Variants in ZGRF1 observed in about 807,000 individuals in gnomAD.
ZGRF1 encodes zinc finger GRF-type containing 1, also known as 5'-3' DNA helicase ZGRF1.
Under a neutral mutation model 203.5 loss-of-function variants are expected in ZGRF1, and 196 were observed. That is an observed-to-expected ratio of 0.96 (90% CI 0.86 to 1.08). The LOEUF (loss-of-function observed/expected upper bound fraction) is 1.08, where lower values mean the gene tolerates loss of function less well. Among genes scored for constraint, ZGRF1 ranks in the 50% least tolerant of loss-of-function variants. The pLI is 0.00. For missense variants in ZGRF1, 2,326 were observed against 2,416.3 expected, an observed-to-expected ratio of 0.96 and a Z score of 0.78; for synonymous variants, 809 against 841.3, an observed-to-expected ratio of 0.96 and a Z score of 0.66.
At chr4:112,570,096 T>G (rs954157253) in intron 16 of ZGRF1, among the ~76,000 whole-genome samples, 9 of 152,162 alleles carry the variant, frequency 5.9e-5, no homozygotes, top group African/African-American at 1.7e-4. Flanking sequence ...CTCATCTCCC[T>G]TAATTACTTA....
intron 1 of ZGRF1, among the ~76,000 whole-genome samples, chr4:112,634,112 A>G (rs886269764): frequency 2.0e-5 from 3 of 152,190 alleles, no homozygotes; most frequent in Non-Finnish European, 4.4e-5. Flanking sequence ...ATTATTTATA[A>G]GTTACATATA....
At chr4:112,592,793 T>C (rs756354054) in intron 10 of ZGRF1, among the ~76,000 whole-genome samples, 1 of 152,210 alleles carries the variant, frequency 6.6e-6, no homozygotes, top group Non-Finnish European at 1.5e-5. Flanking sequence ...ATGGAGAGAA[T>C]TATGTACCCA....
At chr4:112,634,675 C>T (rs929152301) in intron 1 of ZGRF1, among the ~76,000 whole-genome samples, 1 of 151,412 alleles carries the variant, frequency 6.6e-6, no homozygotes, top group Non-Finnish European at 1.5e-5. Flanking sequence ...AAGGGCGAGG[C>T]GGGGGCGGTG....
intron 9 of ZGRF1, 61 bp from the exon 10 acceptor site, chr4:112,603,758 A>T: frequency 7.9e-7 from 1 of 1,259,758 alleles, no homozygotes; most frequent in Non-Finnish European, 1.1e-6. Flanking sequence ...TATATTCACA[A>T]AGTAAACACA....
intron 24 of ZGRF1, among the ~76,000 whole-genome samples, chr4:112,545,919 G>C (rs1014729596): frequency 6.6e-6 from 1 of 152,046 alleles, no homozygotes; most frequent in Non-Finnish European, 1.5e-5. Flanking sequence ...AATTCACAGA[G>C]CTAGAAAGTA....
chr4:112,618,757 A>G lies in ZGRF1; in HGVS notation c.1285T>C (p.Ser429Pro). The change falls in exon 6 of 28, where the codon TCA (serine) becomes CCA (proline). Residue 429 changes from serine (S) to proline (P), a missense_variant. Transcript: ENST00000505019. ...CSSAENDGILSESDIQEDNKI... is the reference protein window; with the variant it reads ...CSSAENDGILPESDIQEDNKI... ...TTATCTTCTTGAATGTCAGATTCTG[A>G]TAATATACCATCATTTTCTGCACTG... The G allele has an allele frequency of 6.2e-7, 1 of 1,611,222 alleles. No individual in the cohort carries two copies. The highest frequency in any genetic ancestry group is 8.5e-7 in the Non-Finnish European group (1 of 1,179,212).
Position 112,596,634 on chromosome 4 carries a change from C to G in ZGRF1, c.2977-6760G>C, listed in dbSNP as rs535159274. 2.0e-3 allele frequency among the ~76,000 whole-genome samples: 302 copies of G among 152,044 alleles called. 1 individual carries two copies. Among genetic ancestry groups the G allele is most frequent in the African/African-American group, 7.1e-3 (294 of 41,460 alleles). On this transcript the variant is annotated intron_variant, in intron 10 of 27. Transcript: ENST00000505019. ...TTGGAAACTGGGTCTCACTCTGTTG[C>G]CCAAGCTGGAGGGCACTGGCACAAT... is the stretch of plus-strand genomic sequence containing the variant.
chr4:112,562,333 T>A (rs1256809493), intron 18 of ZGRF1, 38 bp downstream of exon 18: 1 of 1,100,318 alleles, frequency 9.1e-7, no homozygotes, highest in Admixed American at 2.0e-5. Context: ...GATTACCATT[T>A]TTTAATACCA....
At chr4:112,614,553 G>A (rs2046799600) in intron 6 of ZGRF1, among the ~76,000 whole-genome samples, 1 of 152,190 alleles carries the variant, frequency 6.6e-6, no homozygotes, top group Admixed American at 6.5e-5. Context: ...AAGGGGCCAG[G>A]TACAGTGGCT....
intron 17 of ZGRF1, among the ~76,000 whole-genome samples, chr4:112,562,835 T>A (rs1253412110): frequency 1.3e-5 from 2 of 152,228 alleles, no homozygotes; most frequent in Non-Finnish European, 2.9e-5. Context: ...CAGAGTAGTA[T>A]TTGTATAATT....
At chr4:112,597,523 CTAA>C (rs987394230) in intron 10 of ZGRF1, among the ~76,000 whole-genome samples, 1 of 151,178 alleles carries the variant, frequency 6.6e-6, no homozygotes. Context: ...GACCTTGTCT[CTAA>C]TAATAATAAT....
chr4:112,630,700 T>C (rs868040314), intron 3 of ZGRF1, among the ~76,000 whole-genome samples: 1 of 152,184 alleles, frequency 6.6e-6, no homozygotes, highest in Middle Eastern at 3.4e-3. Flanking sequence ...AAGACCAGCC[T>C]GAACAACATG....
chr4:112,594,957 C>T (rs536829813), intron 10 of ZGRF1, among the ~76,000 whole-genome samples: 30 of 152,180 alleles, frequency 2.0e-4, no homozygotes, highest in African/African-American at 7.0e-4. Context: ...AATTACTCCA[C>T]AGGCCAGGTG....
intron 20 of ZGRF1, among the ~76,000 whole-genome samples, chr4:112,556,066 T>G (rs561796792): frequency 1.1e-4 from 16 of 151,910 alleles, no homozygotes; most frequent in Admixed American, 5.2e-4. Flanking sequence ...TGTCTTTAAT[T>G]TAAAAAAAAA....
chr4:112,558,518 C>T (rs1018168559), intron 19 of ZGRF1, among the ~76,000 whole-genome samples: 3 of 152,138 alleles, frequency 2.0e-5, no homozygotes, highest in Non-Finnish European at 4.4e-5. Flanking sequence ...CCGGCGTGCA[C>T]CACCACACCT....
chr4:112,634,769 T>C (rs1002269221), intron 1 of ZGRF1, among the ~76,000 whole-genome samples: 4 of 152,138 alleles, frequency 2.6e-5, no homozygotes, highest in Non-Finnish European at 4.4e-5. Context: ...GCAAATGAGA[T>C]ATGCATACTT....
intron 16 of ZGRF1, among the ~76,000 whole-genome samples, chr4:112,572,114 A>G (rs1310243467): frequency 1.8e-4 from 28 of 152,186 alleles, no homozygotes; most frequent in Admixed American, 1.8e-3. Context: ...TTCATACCAT[A>G]TACAAAAGAA....
chr4:112,628,745 A>T, intron 3 of ZGRF1: 1 of 451,076 alleles, frequency 2.2e-6, no homozygotes, highest in Non-Finnish European at 4.5e-6. Flanking sequence ...GTTGGATAAT[A>T]GCACTAGCAT....
chr4:112,610,987 C>A (rs1751495687), intron 7 of ZGRF1: 5 of 253,906 alleles, frequency 2.0e-5, no homozygotes, highest in East Asian at 1.5e-4. Flanking sequence ...TTCTGAGAGG[C>A]AGGGTAGGTT....
Sources: allele counts gnomAD v4.1 joint callset (sites outside exome capture counted in the v4.1 genomes callset), GRCh38; gene constraint gnomAD v4.1.1; transcripts MANE v1.5; gene names NCBI Gene and HGNC (gene_info 2026-07-23, HGNC 2026-07-21).